The following LARP4B variants were observed in gnomAD, a reference collection of about 807,000 sequenced individuals.
LARP4B encodes the protein La ribonucleoprotein 4B.
A neutral mutation model predicts 89.8 loss-of-function variants in LARP4B; 12 were observed. That is an observed-to-expected ratio of 0.13 (90% CI 0.09 to 0.22). The LOEUF (loss-of-function observed/expected upper bound fraction) is 0.22, where lower values mean the gene tolerates loss of function less well. Ranked by LOEUF, LARP4B falls within the 10% of genes least tolerant of loss-of-function variation. LARP4B has a pLI of 1.00. For synonymous variants in LARP4B, 367 were observed against 363.3 expected (o/e 1.01, Z -0.12); for missense variants, 757 against 947.7 (o/e 0.80, Z 2.64).
rs544901108 is a variant in LARP4B, at chr10:906,112, T to C, written c.-39-20352A>G. On this transcript the variant is annotated intron_variant, in intron 1 of 17. Transcript: ENST00000316157. ...TTTTTCTGAGACTTGGTCAATTAGATATTATTTCTTTCCCACATAAACTAT... is the reference window on the plus strand; with the variant it reads ...TTTTTCTGAGACTTGGTCAATTAGACATTATTTCTTTCCCACATAAACTAT... Among the ~76,000 whole-genome samples, 3 of 152,344 alleles carry C rather than the reference T, an allele frequency of 2.0e-5. No individual in the cohort carries two copies. The South Asian group carries it at 6.2e-4, about 32-fold the overall frequency.
the LARP4B span, among the ~76,000 whole-genome samples, chr10:944,775 T>C: frequency 6.6e-6 from 1 of 151,824 alleles, no homozygotes; most frequent in Non-Finnish European, 1.5e-5. Flanking sequence ...TTCTAGTTTC[T>C]GTTTCTGGTG....
the LARP4B span, among the ~76,000 whole-genome samples, chr10:938,553 G>T: frequency 1.3e-5 from 2 of 152,134 alleles, no homozygotes; most frequent in African/African-American, 4.8e-5. Context: ...GCGCCCGGCC[G>T]AATTGGTTCA....
intron 5 of LARP4B, among the ~76,000 whole-genome samples, chr10:861,032 T>C (rs1164241701): frequency 6.6e-6 from 1 of 152,122 alleles, no homozygotes; most frequent in Non-Finnish European, 1.5e-5. Context: ...GGTGGGCACC[T>C]GTAGTCCCAG....
At chr10:869,378 G>C (rs1252528972) in intron 3 of LARP4B, among the ~76,000 whole-genome samples, 2 of 152,102 alleles carry the variant, frequency 1.3e-5, no homozygotes, top group Non-Finnish European at 2.9e-5. Context: ...AGAAGAGCTG[G>C]CAAAATTCAC....
chr10:903,572 C>G (rs1432309494), intron 1 of LARP4B: 1 of 152,200 alleles, frequency 6.6e-6, no homozygotes, highest in Admixed American at 6.5e-5. Flanking sequence ...CATGGGCATA[C>G]ACCTGAACTG....
intron 1 of LARP4B, among the ~76,000 whole-genome samples, chr10:886,370 T>C (rs1052578320): frequency 3.9e-5 from 6 of 152,160 alleles, no homozygotes; most frequent in Admixed American, 1.3e-4. Context: ...GGAATGTAAA[T>C]TGGTGCGGCC....
rs1157450914 is a variant in LARP4B, at chr10:812,843, G to A, written c.*83C>T. The A allele has an allele frequency of 7.7e-7, 1 of 1,291,456 alleles. No individual in the cohort carries two copies. Among genetic ancestry groups the A allele is most frequent in the African/African-American group, 1.5e-5 (1 of 65,686 alleles). 80.0% of individuals were successfully genotyped at this position (1,291,456 alleles called of 1,614,324 possible). A position where few individuals can be genotyped will look rare whatever the true frequency, so the allele number is the denominator to read the frequency against. Reference sequence around the variant, plus strand: ...CTCAGACACTGCAAGCTCCTAACCAGCGGCTCGCCCTCGCACTGAGTGGGA... The same window carrying A: ...CTCAGACACTGCAAGCTCCTAACCAACGGCTCGCCCTCGCACTGAGTGGGA... On this transcript the variant is annotated 3_prime_UTR_variant, in exon 18 of 18. Transcript: ENST00000316157.
At chr10:842,789 G>A in intron 7 of LARP4B, 143 bp downstream of exon 7, 1 of 702,038 alleles carries the variant, frequency 1.4e-6, no homozygotes, top group Non-Finnish European at 2.3e-6. Flanking sequence ...TTGGACCTGG[G>A]CAGAAAGGAA....
At chr10:950,975 T>TCTGC in the LARP4B span, among the ~76,000 whole-genome samples, 3 of 152,258 alleles carry the variant, frequency 2.0e-5, no homozygotes, top group Non-Finnish European at 2.9e-5. Context: ...CGCCTGCCTG[T>TCTGC]CTGCCTTCCT....
At chr10:832,186 G>A (rs1832941616) in intron 8 of LARP4B, among the ~76,000 whole-genome samples, 1 of 152,172 alleles carries the variant, frequency 6.6e-6, no homozygotes, top group Non-Finnish European at 1.5e-5. Flanking sequence ...TGGGACTACA[G>A]GCACCCGCCA....
At chr10:903,781 A>G (rs191496161) in intron 1 of LARP4B, among the ~76,000 whole-genome samples, 78 of 152,326 alleles carry the variant, frequency 5.1e-4, no homozygotes, top group African/African-American at 1.7e-3. Flanking sequence ...ACAGTTTTCA[A>G]TTGAAAATAC....
intron 1 of LARP4B, among the ~76,000 whole-genome samples, chr10:917,479 G>A (rs368322474): frequency 1.2e-4 from 19 of 152,302 alleles, no homozygotes; most frequent in African/African-American, 2.9e-4. Context: ...CTGGAATGGC[G>A]TATTTTAAGA....
chr10:917,847 C>T (rs1215184904), intron 1 of LARP4B, among the ~76,000 whole-genome samples: 2 of 152,174 alleles, frequency 1.3e-5, no homozygotes, highest in Non-Finnish European at 2.9e-5. Flanking sequence ...AAATAATCAG[C>T]CCAAGTATAA....
intron 1 of LARP4B, chr10:924,246 A>G (rs1308092094): frequency 6.6e-6 from 1 of 152,168 alleles, no homozygotes; most frequent in Non-Finnish European, 1.5e-5. Flanking sequence ...AAAAAATAAA[A>G]TATTTTTTAA....
intron 5 of LARP4B, among the ~76,000 whole-genome samples, chr10:848,517 T>G (rs1389291681): frequency 6.6e-6 from 1 of 151,092 alleles, no homozygotes; most frequent in Non-Finnish European, 1.5e-5. Flanking sequence ...AAAGTTATCA[T>G]AACTGTATTC....
chr10:869,820 G>T (rs1480741870), intron 3 of LARP4B, among the ~76,000 whole-genome samples: 1 of 151,518 alleles, frequency 6.6e-6, no homozygotes, highest in Admixed American at 6.6e-5. Context: ...GCAATCACTT[G>T]AACTTGGGAG....
chr10:982,383 G>GC, the LARP4B span, among the ~76,000 whole-genome samples: 4 of 151,934 alleles, frequency 2.6e-5, no homozygotes, highest in African/African-American at 9.7e-5. Context: ...GAGACACTGC[G>GC]CCCAGCCTCA....
At chr10:821,894 T>C (rs1832369733) in intron 13 of LARP4B, among the ~76,000 whole-genome samples, 1 of 152,204 alleles carries the variant, frequency 6.6e-6, no homozygotes, top group African/African-American at 2.4e-5. Context: ...GGCCAGACTA[T>C]GGGACATGGA....
In LARP4B at chr10:810,337, A is replaced by G. The variant is rs923465998; in HGVS notation, c.*2589T>C. On this transcript the variant is annotated 3_prime_UTR_variant, in exon 18 of 18. Coordinates refer to ENST00000316157, the MANE Select transcript of LARP4B (RefSeq NM_015155.3). The stretch of plus-strand genomic sequence containing the variant: ...TTTCAGACATTATATAGCAATCTGT[A>G]TTTCACCTTTAATTAAAAAGGATGC... 1.3e-5 allele frequency: 2 copies of G among 152,164 alleles called. No homozygotes were observed. Among genetic ancestry groups the G allele is most frequent in the Admixed American group, 6.5e-5 (1 of 15,274 alleles). 9.4% of individuals were successfully genotyped at this position (152,164 alleles called of 1,614,324 possible). A position where few individuals can be genotyped will look rare whatever the true frequency, so the allele number is the denominator to read the frequency against.
Sources: gnomAD v4.1 joint callset for allele counts (sites outside exome capture counted in the v4.1 genomes callset) on GRCh38, gnomAD v4.1.1 for gene constraint, MANE v1.5 for transcripts, NCBI Gene and HGNC (gene_info 2026-07-23, HGNC 2026-07-21) for gene names.